Variants in ABCG2 observed in about 807,000 individuals in gnomAD.
The protein encoded by ABCG2 is ATP binding cassette subfamily G member 2 (JR blood group).
Under a neutral mutation model 73.5 loss-of-function variants are expected in ABCG2, and 80 were observed. The observed-to-expected ratio is 1.09, with a 90% CI of 0.91 to 1.31. ABCG2 has a LOEUF of 1.31. ABCG2 is among the 50% of genes most tolerant of loss of function. The probability of loss-of-function intolerance (pLI) is 0.00; values close to 1 mark genes in which losing one functional copy is unlikely to be tolerated. For missense variants in ABCG2, 796 were observed against 786.2 expected (o/e 1.01, Z -0.15); for synonymous variants, 269 against 282.4 (o/e 0.95, Z 0.48).
intron 1 of ABCG2, among the ~76,000 whole-genome samples, chr4:88,172,406 C>T (rs577090767): frequency 2.8e-4 from 42 of 151,836 alleles, no homozygotes; most frequent in African/African-American, 9.2e-4. Flanking sequence ...GGTGAAACCC[C>T]GTCTCTACTA....
intron 1 of ABCG2, among the ~76,000 whole-genome samples, chr4:88,205,784 G>A (rs562018728): frequency 6.6e-6 from 1 of 152,304 alleles, no homozygotes; most frequent in South Asian, 2.1e-4. Flanking sequence ...CCGGGCTCAA[G>A]CAATTCTCCT....
At chr4:88,213,177 T>C (rs1342690715) in intron 1 of ABCG2, among the ~76,000 whole-genome samples, 2 of 152,220 alleles carry the variant, frequency 1.3e-5, no homozygotes, top group Non-Finnish European at 2.9e-5. Context: ...CTGTTGGGAT[T>C]ACTGGCTTGA....
At chr4:88,150,982 A>G (rs945335967) in intron 1 of ABCG2, among the ~76,000 whole-genome samples, 1 of 152,192 alleles carries the variant, frequency 6.6e-6, no homozygotes, top group African/African-American at 2.4e-5. Context: ...TACACTGCCC[A>G]AACTGGGAAA....
chr4:88,180,000 G>A (rs973660807), intron 1 of ABCG2, among the ~76,000 whole-genome samples: 2 of 152,102 alleles, frequency 1.3e-5, no homozygotes, highest in Admixed American at 6.5e-5. Context: ...GGTAGAGAGA[G>A]GGGGGTAGAA....
At chr4:88,194,203 T>G (rs1285312854) in intron 1 of ABCG2, among the ~76,000 whole-genome samples, 1 of 152,116 alleles carries the variant, frequency 6.6e-6, no homozygotes, top group Non-Finnish European at 1.5e-5. Context: ...TACCCTGGAC[T>G]GTGAAATGAC....
intron 1 of ABCG2, among the ~76,000 whole-genome samples, chr4:88,176,354 G>A (rs1355031419): frequency 2.7e-5 from 4 of 150,096 alleles, no homozygotes; most frequent in Non-Finnish European, 4.4e-5. Context: ...CTCCTCTCCT[G>A]TTCTCTTTAT....
intron 1 of ABCG2, among the ~76,000 whole-genome samples, chr4:88,153,855 A>C (rs1382945322): frequency 6.6e-6 from 1 of 151,858 alleles, no homozygotes; most frequent in East Asian, 1.9e-4. Flanking sequence ...TAGGGAAGGG[A>C]GGGGGCATGA....
intron 1 of ABCG2, among the ~76,000 whole-genome samples, chr4:88,149,499 T>C (rs1295706477): frequency 6.6e-6 from 1 of 152,168 alleles, no homozygotes; most frequent in African/African-American, 2.4e-5. Context: ...CCCCTTAAAC[T>C]TCCTAGCCAC....
chr4:88,153,730 T>G (rs781731327), intron 1 of ABCG2, among the ~76,000 whole-genome samples: 1 of 152,076 alleles, frequency 6.6e-6, no homozygotes, highest in Non-Finnish European at 1.5e-5. Flanking sequence ...GGCCTCTACC[T>G]ATCCAGTGAA....
At chr4:88,194,860 C>G (rs1728877457) in intron 1 of ABCG2, among the ~76,000 whole-genome samples, 1 of 151,834 alleles carries the variant, frequency 6.6e-6, no homozygotes, top group Non-Finnish European at 1.5e-5. Flanking sequence ...TAATGGGGAG[C>G]CCGATGGTGT....
intron 1 of ABCG2, among the ~76,000 whole-genome samples, chr4:88,168,259 C>A (rs911456168): frequency 2.0e-5 from 3 of 152,036 alleles, no homozygotes; most frequent in African/African-American, 7.2e-5. Flanking sequence ...GAGGCTGAAG[C>A]GGGTGGATCA....
chr4:88,154,610 G>T (rs1726791514), intron 1 of ABCG2, among the ~76,000 whole-genome samples: 1 of 152,130 alleles, frequency 6.6e-6, no homozygotes, highest in Admixed American at 6.5e-5. Context: ...TGAGGAACAG[G>T]AAAGAAGGAA....
At position 88,174,120 on chromosome 4, in the gene ABCG2, G is replaced by T. The variant is rs144123347; in HGVS notation, c.-19-34106C>A. Among the ~76,000 whole-genome samples, 32 of 151,936 alleles carry T rather than the reference G, an allele frequency of 2.1e-4. No individual in the cohort carries two copies. The East Asian group carries it at 6.2e-3, about 29-fold the overall frequency. On this transcript the variant is annotated intron_variant, in intron 1 of 15. Coordinates refer to the ABCG2 transcript ENST00000515655. ...GTGATTACATTAAATGAGGTCTTTA[G>T]GGTGGGCCTTAATCCAACCTGACTG...
chr4:88,215,878 C>A (rs1729791547), intron 1 of ABCG2, among the ~76,000 whole-genome samples: 1 of 152,184 alleles, frequency 6.6e-6, no homozygotes. Context: ...TGCGTTGTAC[C>A]TAATTCCCAG....
intron 1 of ABCG2, among the ~76,000 whole-genome samples, chr4:88,207,370 T>G (rs1055774060): frequency 1.3e-5 from 2 of 152,176 alleles, no homozygotes; most frequent in African/African-American, 2.4e-5. Context: ...TAATATGGTT[T>G]CCTGTGACGT....
intron 14 of ABCG2, 108 bp from the exon 15 acceptor site, chr4:88,094,767 T>C: frequency 3.6e-6 from 3 of 839,050 alleles, no homozygotes; most frequent in Non-Finnish European, 5.8e-6. Flanking sequence ...TTGTTATTTC[T>C]AAAAACATAT....
chr4:88,162,837 C>T (rs1727368112), upstream of ABCG2, among the ~76,000 whole-genome samples: 1 of 152,212 alleles, frequency 6.6e-6, no homozygotes, highest in African/African-American at 2.4e-5. Flanking sequence ...GCCTTCCAAG[C>T]CATTGCCCTC....
chr4:88,229,980 T>C lies in ABCG2; in HGVS notation c.-20+1014A>G, dbSNP rs913023589. On this transcript the variant is annotated intron_variant, in intron 1 of 15. Transcript: ENST00000515655. ...AATCAGCTATTTTTTCTGGCATGCA[T>C]TATTATTATTATTATTATTATTATT... Among the ~76,000 whole-genome samples, 17 of 146,180 alleles carry C rather than the reference T, an allele frequency of 1.2e-4. No homozygotes were observed. In the East Asian group the frequency reaches 3.2e-3, roughly 27 times the overall value.
chr4:88,223,624 C>T (rs541036262), intron 1 of ABCG2: 1 of 152,470 alleles, frequency 6.6e-6, no homozygotes, highest in East Asian at 1.9e-4. Context: ...TACCCAGTCT[C>T]AGGTATTTCT....
Sources: allele counts gnomAD v4.1 joint callset (sites outside exome capture counted in the v4.1 genomes callset), GRCh38; gene constraint gnomAD v4.1.1; transcripts MANE v1.5; gene names NCBI Gene and HGNC (gene_info 2026-07-23, HGNC 2026-07-21).